PIKFYVE: variants seen among roughly 807,000 people sequenced by gnomAD.
PIKFYVE encodes phosphoinositide kinase, FYVE-type zinc finger containing.
A neutral mutation model predicts 257.9 loss-of-function variants in PIKFYVE; 122 were observed. That is an observed-to-expected ratio of 0.47 (90% CI 0.41 to 0.55). The LOEUF is 0.55. PIKFYVE is among the 20% of genes least tolerant of loss of function. The pLI is 0.00. For missense variants in PIKFYVE, 2,160 were observed against 2,536.6 expected (o/e 0.85, Z 3.19); for synonymous variants, 892 against 868.9 (o/e 1.03, Z -0.47).
chr2:208,325,495 G>A lies in PIKFYVE; in HGVS notation c.2684G>A (p.Gly895Glu), dbSNP rs761645559. 6.2e-7 allele frequency: 1 copy of A among 1,614,202 alleles called. No individual in the cohort carries two copies. Among genetic ancestry groups the A allele is most frequent in the East Asian group, 2.2e-5 (1 of 44,886 alleles). The change falls in exon 20 of 42, where the codon GGA (glycine) becomes GAA (glutamate). Residue 895 changes from glycine to glutamate, a missense_variant. Gly to Glu is a moderately conservative substitution (Grantham distance 98). Around this residue, in one of 12 missense-constraint regions of PIKFYVE, gnomAD observed 522 missense variants for 514.6 expected, o/e 1.01. Coordinates refer to ENST00000264380, the MANE Select transcript of PIKFYVE (RefSeq NM_015040.4). Reference sequence around the variant, plus strand: ...CCTTCATTCCATTCCCTGATTGAGGGACGAGGGCATGAGGGGGCTGTCCAA... The same window carrying A: ...CCTTCATTCCATTCCCTGATTGAGGAACGAGGGCATGAGGGGGCTGTCCAA... ...QNPSFHSLIEGRGHEGAVQEQ... is the reference protein window; with the variant it reads ...QNPSFHSLIEERGHEGAVQEQ...
intron 5 of PIKFYVE, among the ~76,000 whole-genome samples, chr2:208,280,417 C>T (rs1690658221): frequency 6.6e-6 from 1 of 152,182 alleles, no homozygotes; most frequent in African/African-American, 2.4e-5. Context: ...ATCACCTGAC[C>T]TCTGTAAGTC....
At chr2:208,340,762 CTGTT>C (rs1318195539) in intron 31 of PIKFYVE, among the ~76,000 whole-genome samples, 14 of 151,926 alleles carry the variant, frequency 9.2e-5, no homozygotes, top group Non-Finnish European at 1.8e-4. Context: ...TATTTAGTGC[CTGTT>C]TAAGTGTCCT....
chr2:208,306,759 C>T (rs1458534598), intron 12 of PIKFYVE, among the ~76,000 whole-genome samples: 1 of 145,374 alleles, frequency 6.9e-6, no homozygotes, highest in Non-Finnish European at 1.5e-5. Flanking sequence ...CCCTTTTGAA[C>T]CTCCCTGATT....
chr2:208,313,592 T>TC lies in PIKFYVE; in HGVS notation c.1697-702_1697-701insC, dbSNP rs1695159896. Among the ~76,000 whole-genome samples, 3 of 151,412 alleles carry TC rather than the reference T, an allele frequency of 2.0e-5. No homozygotes were observed. In the South Asian group the frequency reaches 6.3e-4, roughly 32 times the overall value. On this transcript the variant is annotated intron_variant, in intron 13 of 41. Transcript: ENST00000264380. ...GTTTTCAGTTTGTGATTTTTTTTTT[T>TC]TTTTTTTTGAGATGGAGTCTCGCTC...
intron 5 of PIKFYVE, among the ~76,000 whole-genome samples, chr2:208,285,271 T>G (rs1691414885): frequency 6.6e-6 from 1 of 152,202 alleles, no homozygotes; most frequent in Middle Eastern, 3.4e-3. Context: ...AATTTTTGTA[T>G]TTTTAGTAGA....
At chr2:208,275,153 G>C (rs1689942382) in intron 3 of PIKFYVE, among the ~76,000 whole-genome samples, 1 of 152,194 alleles carries the variant, frequency 6.6e-6, no homozygotes, top group African/African-American at 2.4e-5. Context: ...TAATTTACTA[G>C]CTTTCCGACC....
chr2:208,267,492 T>G (rs1688793698), intron 1 of PIKFYVE, among the ~76,000 whole-genome samples: 1 of 146,312 alleles, frequency 6.8e-6, no homozygotes, highest in Non-Finnish European at 1.5e-5. Context: ...CCTAAATTAT[T>G]ACATTGCCAG....
intron 7 of PIKFYVE, among the ~76,000 whole-genome samples, chr2:208,291,435 T>C (rs1424958999): frequency 1.3e-5 from 2 of 152,118 alleles, no homozygotes; most frequent in African/African-American, 4.8e-5. Context: ...TGGTTTCCTT[T>C]TCTTGTCATG....
intron 19 of PIKFYVE, 37 bp downstream of exon 19, chr2:208,325,074 G>C: frequency 6.2e-7 from 1 of 1,612,974 alleles, no homozygotes; most frequent in Non-Finnish European, 8.5e-7. Flanking sequence ...CTGAGGAAAA[G>C]AGTTAACTTA....
intron 2 of PIKFYVE, among the ~76,000 whole-genome samples, chr2:208,273,230 A>G (rs1265003025): frequency 2.0e-5 from 3 of 152,202 alleles, no homozygotes; most frequent in Non-Finnish European, 4.4e-5. Context: ...GAAAAGTGAA[A>G]CAAATAGGAG....
At chr2:208,313,601 G>C (rs941706367) in intron 13 of PIKFYVE, among the ~76,000 whole-genome samples, 1 of 86,112 alleles carries the variant, frequency 1.2e-5, no homozygotes, top group Non-Finnish European at 2.2e-5. Context: ...TTTTTTTTTT[G>C]AGATGGAGTC....
intron 2 of PIKFYVE, among the ~76,000 whole-genome samples, chr2:208,272,393 A>C (rs1689547377): frequency 6.6e-6 from 1 of 152,170 alleles, no homozygotes; most frequent in African/African-American, 2.4e-5. Context: ...TAAAATATTT[A>C]AAGCAATGAA....
intron 35 of PIKFYVE, 25 bp from the exon 36 acceptor site, chr2:208,349,999 T>A (rs1211474318): frequency 6.2e-7 from 1 of 1,611,070 alleles, no homozygotes; most frequent in Non-Finnish European, 8.5e-7. Flanking sequence ...AACCTTGGCT[T>A]TACTAATGAT....
At chr2:208,350,198 T>C in intron 36 of PIKFYVE, 115 bp downstream of exon 36, 2 of 1,464,456 alleles carry the variant, frequency 1.4e-6, no homozygotes, top group South Asian at 3.0e-5. Flanking sequence ...TTGAAATGAA[T>C]ATTAAGTCTT....
At position 208,285,913 on chromosome 2, in the gene PIKFYVE, G is replaced by T. The variant is rs1279123931; in HGVS notation, c.801G>T (p.Glu267Asp). 6.2e-7 allele frequency: 1 copy of T among 1,613,888 alleles called. No homozygotes were observed. The highest frequency in any genetic ancestry group is 8.5e-7 in the Non-Finnish European group (1 of 1,179,994). Reference protein sequence around the residue: ...SRKASRNIFLEDDLAWQSLIH... With the variant: ...SRKASRNIFLDDDLAWQSLIH... ...AAGCCAGCCGTAACATATTTTTAGA[G>T]GATGATTTGGCCTGGCAAAGGTATT... Residue 267 changes from glutamate to aspartate, a missense_variant, in exon 6 of 42, where the codon GAG becomes GAT. By Grantham distance (45) the Glu-to-Asp change is conservative. Around this residue, in one of 12 missense-constraint regions of PIKFYVE, gnomAD observed 187 missense variants for 185.6 expected, o/e 1.01. Coordinates refer to ENST00000264380, the MANE Select transcript of PIKFYVE (RefSeq NM_015040.4).
Position 208,335,314 on chromosome 2 carries a change from C to T in PIKFYVE, c.4151C>T (p.Pro1384Leu). Residue 1384 changes from proline to leucine, a missense_variant, in exon 25 of 42, where the codon CCC becomes CTC. Pro to Leu is a moderately conservative substitution (Grantham distance 98). Around this residue, in one of 12 missense-constraint regions of PIKFYVE, gnomAD observed 699 missense variants for 855.8 expected, o/e 0.82. Transcript: ENST00000264380. ...TTGTATTTTCTTCTCAGTTATTCTC[C>T]CATTCGGCTTCTTGAAGTATGTGTT... ...NQMVASFSYS[P>L]IRLLEVCVPL... 2 of 1,599,064 alleles carry T rather than the reference C, an allele frequency of 1.3e-6. No homozygotes were observed. The highest frequency in any genetic ancestry group is 1.7e-6 in the Non-Finnish European group (2 of 1,166,564).
In PIKFYVE at chr2:208,334,087, A is replaced by G. The variant is rs193077927; in HGVS notation, c.4142+594A>G. Among the ~76,000 whole-genome samples the G allele has an allele frequency of 1.4e-4, 21 of 152,358 alleles. No homozygotes were observed. The East Asian group carries it at 3.9e-3, about 28-fold the overall frequency. ...TGTGTTCAAAGAATTGATAGTTGCC[A>G]TTGTGGTATTAAATAATTTGAGACA... On this transcript the variant is annotated intron_variant, in intron 24 of 41. Transcript: ENST00000264380.
intron 41 of PIKFYVE, among the ~76,000 whole-genome samples, chr2:208,354,986 C>G (rs1403377880): frequency 6.6e-6 from 1 of 152,188 alleles, no homozygotes; most frequent in Non-Finnish European, 1.5e-5. Flanking sequence ...TAGGCAGGAG[C>G]TAGTCTTTTT....
chr2:208,316,562 T>C (rs1335080753), intron 15 of PIKFYVE, among the ~76,000 whole-genome samples: 29 of 152,074 alleles, frequency 1.9e-4, no homozygotes, highest in Non-Finnish European at 5.9e-5. Context: ...TTTTAATGAT[T>C]GCCATTCTAA....
Sources: allele counts gnomAD v4.1 joint callset (sites outside exome capture counted in the v4.1 genomes callset), GRCh38; gene constraint gnomAD v4.1.1; regional missense constraint gnomAD v4.1.1; transcripts MANE v1.5; gene names NCBI Gene and HGNC (gene_info 2026-07-23, HGNC 2026-07-21).